SEC23IP: variants seen among roughly 807,000 people sequenced by gnomAD.
SEC23IP encodes the protein SEC23 interacting protein, also known as SEC23-interacting protein.
A neutral mutation model predicts 113.4 loss-of-function variants in SEC23IP; 70 were observed. The observed-to-expected ratio is 0.62, with a 90% CI of 0.51 to 0.75. SEC23IP has a LOEUF of 0.75. SEC23IP is among the 30% of genes least tolerant of loss of function. The pLI, the probability that SEC23IP is intolerant of heterozygous loss-of-function variation, is 0.00. For synonymous variants in SEC23IP, 398 were observed against 421.0 expected (o/e 0.95, Z 0.67); for missense variants, 1,160 against 1,204.9 (o/e 0.96, Z 0.55).
chr10:119,907,973 T>C (rs1395001839), intron 4 of SEC23IP, among the ~76,000 whole-genome samples: 2 of 152,010 alleles, frequency 1.3e-5, no homozygotes, highest in Non-Finnish European at 2.9e-5. Flanking sequence ...AAATAAAAAT[T>C]ACAGTTTAAC....
At chr10:119,916,038 GT>G in intron 8 of SEC23IP, 149 bp downstream of exon 8, 1 of 596,846 alleles carries the variant, frequency 1.7e-6, no homozygotes, top group Non-Finnish European at 2.6e-6. Context: ...TGGCTGTAAA[GT>G]TTACACACTA....
In SEC23IP at chr10:119,904,788, T is replaced by TA. The variant is rs1210733121; in HGVS notation, c.1101+512dup. On this transcript the variant is annotated intron_variant, in intron 4 of 18. Transcript: ENST00000369075. ...AGAGTTGAATGTTAGATATTTGAAA[T>TA]ACGTTCAGTGAATTCAGTTGCATAG... 17 of 153,434 alleles carry TA rather than the reference T, an allele frequency of 1.1e-4. 1 individual carries two copies. Among genetic ancestry groups the TA allele is most frequent in the African/African-American group, 4.1e-4 (17 of 41,580 alleles). 9.5% of individuals were successfully genotyped at this position (153,434 alleles called of 1,614,324 possible).
intron 1 of SEC23IP, among the ~76,000 whole-genome samples, chr10:119,893,156 C>T (rs1317253489): frequency 1.3e-5 from 2 of 152,132 alleles, no homozygotes; most frequent in Admixed American, 1.3e-4. Context: ...CCCCCTGTTC[C>T]GAGTTGTCCA....
At chr10:119,907,547 G>A (rs1282875089) in intron 4 of SEC23IP, among the ~76,000 whole-genome samples, 2 of 152,158 alleles carry the variant, frequency 1.3e-5, no homozygotes, top group Non-Finnish European at 2.9e-5. Context: ...AGGTCCTCAC[G>A]CTTGTTCTTT....
intron 2 of SEC23IP, among the ~76,000 whole-genome samples, chr10:119,902,120 G>A (rs962715916): frequency 2.6e-5 from 4 of 152,196 alleles, no homozygotes; most frequent in African/African-American, 4.8e-5. Context: ...ACTTTGAGAG[G>A]TCAAGGCGGG....
chr10:119,909,263 T>C, intron 5 of SEC23IP, 133 bp downstream of exon 5: 1 of 615,858 alleles, frequency 1.6e-6, no homozygotes, highest in Non-Finnish European at 2.9e-6. Flanking sequence ...GCTTTTAAAA[T>C]ACTTTATTAT....
Position 119,919,717 on chromosome 10 carries a change from A to T in SEC23IP, c.2025+121A>T. 2 of 754,634 alleles carry T rather than the reference A, an allele frequency of 2.7e-6. 1 individual carries two copies. Among genetic ancestry groups the T allele is most frequent in the Non-Finnish European group, 3.9e-6 (2 of 515,948 alleles). 46.7% of individuals were successfully genotyped at this position (754,634 alleles called of 1,614,324 possible). ...GAGTAGACAAAGACTGAAATGTTTTAAAAAATTGAAAAACACAGAAGAATA... is the reference window on the plus strand; with the variant it reads ...GAGTAGACAAAGACTGAAATGTTTTTAAAAATTGAAAAACACAGAAGAATA... On this transcript the variant is annotated intron_variant, in intron 11 of 18. Transcript: ENST00000369075.
chr10:119,933,244 A>G (rs1855664709), intron 17 of SEC23IP, 77 bp downstream of exon 17: 1 of 1,113,364 alleles, frequency 9.0e-7, no homozygotes, highest in African/African-American at 1.6e-5. Context: ...TTTTAGTGAG[A>G]TTCTTTTACT....
chr10:119,892,972 G>A (rs1403308023), intron 1 of SEC23IP, 27 bp downstream of exon 1: 9 of 1,594,348 alleles, frequency 5.6e-6, no homozygotes, highest in Non-Finnish European at 7.7e-6. Flanking sequence ...GGCCCCGTGT[G>A]TGGTGGGAGG....
At chr10:119,896,362 G>T (rs1304426231) in intron 1 of SEC23IP, among the ~76,000 whole-genome samples, 1 of 152,196 alleles carries the variant, frequency 6.6e-6, no homozygotes. Flanking sequence ...CAGACTTGAG[G>T]TTTCTGGTTT....
At chr10:119,904,372 T>C in intron 4 of SEC23IP, 95 bp downstream of exon 4, 1 of 1,062,548 alleles carries the variant, frequency 9.4e-7, no homozygotes, top group Non-Finnish European at 1.4e-6. Context: ...CGGACTTTAC[T>C]TACAAGACAG....
At position 119,932,309 on chromosome 10, in the gene SEC23IP, G is replaced by A. The variant is rs529496530; in HGVS notation, c.2749G>A (p.Val917Ile). 1 of 1,608,674 alleles carries A rather than the reference G, an allele frequency of 6.2e-7. No individual in the cohort carries two copies. Among genetic ancestry groups the A allele is most frequent in the South Asian group, 1.1e-5 (1 of 90,206 alleles). The change falls in exon 16 of 19, where the codon GTA becomes ATA. Residue 917 changes from valine to isoleucine, a missense_variant. By Grantham distance (29) the Val-to-Ile change is conservative. Transcript: ENST00000369075. ...NQIKEEEEKQ[V>I]VEAEKVVESP... is the part of the protein sequence containing the mutation. ...GATCAAAGAAGAAGAAGAAAAGCAAGTAGTTGAAGGTAAATTTGACATTTG... is the reference window on the plus strand; with the variant it reads ...GATCAAAGAAGAAGAAGAAAAGCAAATAGTTGAAGGTAAATTTGACATTTG...
chr10:119,894,793 T>C (rs982831083), intron 1 of SEC23IP, among the ~76,000 whole-genome samples: 3 of 152,164 alleles, frequency 2.0e-5, no homozygotes, highest in Non-Finnish European at 2.9e-5. Context: ...ATGTAGTGTT[T>C]GGTTTGTGTG....
rs1855959656 is a variant in SEC23IP, at chr10:119,941,385, T to C, written c.*820T>C. ...GTAGAGGTTTTTTTCTTCTTCTTTT[T>C]GTTTTCTATTAATTTCACTTATACC... On this transcript the variant is annotated 3_prime_UTR_variant, in exon 19 of 19. Transcript: ENST00000369075. 1.3e-5 allele frequency: 2 copies of C among 152,248 alleles called. No homozygotes were observed. Among genetic ancestry groups the C allele is most frequent in the South Asian group, 2.1e-4 (1 of 4,834 alleles). 9.4% of individuals were successfully genotyped at this position (152,248 alleles called of 1,614,324 possible). A position where few individuals can be genotyped will look rare whatever the true frequency, so the allele number is the denominator to read the frequency against.
intron 1 of SEC23IP, among the ~76,000 whole-genome samples, chr10:119,898,013 AT>A (rs71019730): frequency 0.06 from 8,100 of 135,744 alleles, 408 homozygotes; most frequent in South Asian, 0.29. Context: ...TCAAAAAAAA[AT>A]AAAAAAAAAA....
chr10:119,914,085 G>A (rs888392119), intron 6 of SEC23IP, among the ~76,000 whole-genome samples: 3 of 152,078 alleles, frequency 2.0e-5, no homozygotes, highest in Non-Finnish European at 2.9e-5. Flanking sequence ...GCTTGAACCC[G>A]GGAGGCGGAG....
chr10:119,923,002 TA>T (rs57132392), intron 12 of SEC23IP, among the ~76,000 whole-genome samples: 12 of 145,332 alleles, frequency 8.3e-5, no homozygotes, highest in Non-Finnish European at 1.1e-4. Context: ...CAAAAGCCTA[TA>T]AAAAAAAAAA....
intron 14 of SEC23IP, 29 bp from the exon 15 acceptor site, chr10:119,930,300 T>G: frequency 7.3e-7 from 1 of 1,365,644 alleles, no homozygotes; most frequent in Middle Eastern, 2.0e-4. Context: ...AAATTTCTTT[T>G]ATTTATTCAT....
chr10:119,912,214 T>C, intron 6 of SEC23IP, 50 bp downstream of exon 6: 1 of 1,571,114 alleles, frequency 6.4e-7, no homozygotes, highest in East Asian at 2.3e-5. Context: ...CTCTCCATTT[T>C]AGCATCATTC....
Sources: gnomAD v4.1 joint callset for allele counts (sites outside exome capture counted in the v4.1 genomes callset) on GRCh38, gnomAD v4.1.1 for gene constraint, MANE v1.5 for transcripts, NCBI Gene and HGNC (gene_info 2026-07-23, HGNC 2026-07-21) for gene names.